Variants in SEMA3A observed in about 807,000 individuals in gnomAD.
SEMA3A encodes semaphorin-3A.
Under a neutral mutation model 97.9 loss-of-function variants are expected in SEMA3A, and 29 were observed. The ratio of observed to expected loss-of-function variants is 0.30; its 90% CI spans 0.22 to 0.40. SEMA3A has a LOEUF of 0.40. SEMA3A is among the 10% of genes least tolerant of loss of function. The pLI is 1.00. For missense variants in SEMA3A, 763 were observed against 951.3 expected, an observed-to-expected ratio of 0.80 and a Z score of 2.60; for synonymous variants, 321 against 323.7, an observed-to-expected ratio of 0.99 and a Z score of 0.09.
chr7:84,292,994 T>C (rs560051104), intron 3 of SEMA3A, among the ~76,000 whole-genome samples: 1 of 152,222 alleles, frequency 6.6e-6, no homozygotes, highest in African/African-American at 2.4e-5. Flanking sequence ...CATTACATTA[T>C]ATAGAAGTAG....
chr7:84,103,296 G>A (rs564191836), intron 4 of SEMA3A, among the ~76,000 whole-genome samples: 58 of 152,068 alleles, frequency 3.8e-4, no homozygotes, highest in Non-Finnish European at 6.3e-4. Context: ...TTTGCATATC[G>A]AGTCAGGCTT....
In SEMA3A at chr7:84,118,515, G is replaced by A. The variant is rs868463076; in HGVS notation, c.334-7926C>T. 1.6e-4 allele frequency among the ~76,000 whole-genome samples: 25 copies of A among 152,282 alleles called. 1 individual carries two copies. Among genetic ancestry groups the A allele is most frequent in the African/African-American group, 5.8e-4 (24 of 41,574 alleles). On this transcript the variant is annotated intron_variant, in intron 3 of 16. Coordinates refer to ENST00000265362, the MANE Select transcript of SEMA3A (RefSeq NM_006080.3). The stretch of plus-strand genomic sequence containing the variant: ...CAGGTTGTTCTGATCTGCTGGCCAC[G>A]TTGTTAGCGTGGGGCAGTACCTGGG...
rs571369395 is a variant in SEMA3A, at chr7:84,151,072, C to G, written c.113-16121G>C. ...AACTAACAAACAGAAAGGACATCCA[C>G]ACCAAAAACCCATCTGTACATCACC... is the stretch of plus-strand genomic sequence containing the variant. On this transcript the variant is annotated intron_variant, in intron 1 of 16. Transcript: ENST00000265362. 3.0e-4 allele frequency among the ~76,000 whole-genome samples: 45 copies of G among 150,016 alleles called. 1 individual carries two copies. Among genetic ancestry groups the G allele is most frequent in the Middle Eastern group, 3.5e-3 (1 of 288 alleles).
chr7:84,321,537 G>A (rs1361072011), intron 2 of SEMA3A, among the ~76,000 whole-genome samples: 1 of 152,080 alleles, frequency 6.6e-6, no homozygotes, highest in Non-Finnish European at 1.5e-5. Context: ...TTAATTGTAT[G>A]TAAAATGATA....
intron 1 of SEMA3A, among the ~76,000 whole-genome samples, chr7:84,452,569 C>T (rs926535245): frequency 6.6e-6 from 1 of 152,058 alleles, no homozygotes; most frequent in Non-Finnish European, 1.5e-5. Flanking sequence ...CTACATGTTC[C>T]TTTTTTATCG....
At chr7:84,405,042 C>A (rs188142744) in intron 1 of SEMA3A, among the ~76,000 whole-genome samples, 52 of 152,224 alleles carry the variant, frequency 3.4e-4, no homozygotes, top group African/African-American at 1.2e-3. Flanking sequence ...TCACACATAA[C>A]AATACTAACC....
At chr7:84,146,299 A>T (rs1584034980) in intron 1 of SEMA3A, among the ~76,000 whole-genome samples, 1 of 152,284 alleles carries the variant, frequency 6.6e-6, no homozygotes, top group East Asian at 1.9e-4. Context: ...AGGGATCTTT[A>T]GACTGTCTGA....
At chr7:84,325,160 TATCA>T (rs1392167866) in intron 2 of SEMA3A, among the ~76,000 whole-genome samples, 3 of 147,572 alleles carry the variant, frequency 2.0e-5, no homozygotes, top group South Asian at 2.2e-4. Context: ...TCTATCTATC[TATCA>T]TTTTAAAACA....
chr7:84,005,620 T>TATA (rs1168939996), intron 10 of SEMA3A, 62 bp from the exon 11 acceptor site: 17 of 1,142,764 alleles, frequency 1.5e-5, no homozygotes, highest in Non-Finnish European at 1.9e-5. Flanking sequence ...TTATAAATTA[T>TATA]ATAATAACAC....
chr7:84,104,438 T>C (rs1367737993), intron 4 of SEMA3A, among the ~76,000 whole-genome samples: 1 of 152,118 alleles, frequency 6.6e-6, no homozygotes, highest in Non-Finnish European at 1.5e-5. Flanking sequence ...AAAAAAGCTG[T>C]CAAGTATTAT....
chr7:83,975,338 T>G (rs1241148276), intron 15 of SEMA3A, among the ~76,000 whole-genome samples: 1 of 152,132 alleles, frequency 6.6e-6, no homozygotes, highest in Non-Finnish European at 1.5e-5. Context: ...CAGCATAGTG[T>G]CCTACACATG....
At chr7:84,390,211 T>C (rs1215785277) in intron 1 of SEMA3A, among the ~76,000 whole-genome samples, 1 of 151,898 alleles carries the variant, frequency 6.6e-6, no homozygotes, top group Non-Finnish European at 1.5e-5. Context: ...CTGGTTGCCT[T>C]GAATGTTCCA....
intron 15 of SEMA3A, among the ~76,000 whole-genome samples, chr7:83,965,225 C>T (rs1399417742): frequency 2.6e-5 from 4 of 151,946 alleles, no homozygotes; most frequent in Admixed American, 1.3e-4. Flanking sequence ...AGGCATGAGC[C>T]ACCGCGTCCG....
intron 1 of SEMA3A, among the ~76,000 whole-genome samples, chr7:84,477,604 G>GT (rs1054133543): frequency 2.6e-5 from 4 of 152,120 alleles, no homozygotes; most frequent in African/African-American, 9.6e-5. Flanking sequence ...AAATTTGCTT[G>GT]TTTTTTCATC....
intron 3 of SEMA3A, among the ~76,000 whole-genome samples, chr7:84,255,903 C>T (rs1027183028): frequency 7.4e-5 from 11 of 148,098 alleles, no homozygotes; most frequent in Admixed American, 4.0e-4. Flanking sequence ...AACAATCCTG[C>T]GTCTATCACT....
chr7:84,203,527 T>TATATATATA (rs1554345528), intron 3 of SEMA3A, among the ~76,000 whole-genome samples: 1 of 29,654 alleles, frequency 3.4e-5, no homozygotes, highest in East Asian at 9.3e-4. Context: ...TATATATATA[T>TATATATATA]TTTTTTTTTT....
intron 4 of SEMA3A, among the ~76,000 whole-genome samples, chr7:84,068,356 T>A (rs1793612827): frequency 1.4e-5 from 2 of 146,230 alleles, no homozygotes; most frequent in African/African-American, 5.1e-5. Flanking sequence ...CACACCAGCA[T>A]GGCACATGTA....
At chr7:84,064,974 C>G (rs571979999) in intron 4 of SEMA3A, among the ~76,000 whole-genome samples, 1 of 152,220 alleles carries the variant, frequency 6.6e-6, no homozygotes, top group Non-Finnish European at 1.5e-5. Flanking sequence ...TACATTTTTT[C>G]GGCACCACAC....
chr7:83,979,061 TAA>T, intron 14 of SEMA3A, among the ~76,000 whole-genome samples: 1 of 152,160 alleles, frequency 6.6e-6, no homozygotes, highest in South Asian at 2.1e-4. Context: ...AGATTATTAC[TAA>T]ATTAGGTAAT....
Sources: gnomAD v4.1 joint callset for allele counts (sites outside exome capture counted in the v4.1 genomes callset) on GRCh38, gnomAD v4.1.1 for gene constraint, MANE v1.5 for transcripts, NCBI Gene and HGNC (gene_info 2026-07-23, HGNC 2026-07-21) for gene names.